Variants in DOCK1 observed in about 807,000 individuals in gnomAD.
The protein encoded by DOCK1 is dedicator of cytokinesis 1, also known as dedicator of cytokinesis protein 1.
Under a neutral mutation model 262.7 loss-of-function variants are expected in DOCK1, and 138 were observed. The ratio of observed to expected loss-of-function variants is 0.53; its 90% CI spans 0.46 to 0.61. The LOEUF (loss-of-function observed/expected upper bound fraction) is 0.61, where lower values mean the gene tolerates loss of function less well. Among genes scored for constraint, DOCK1 ranks in the 20% least tolerant of loss-of-function variants. The pLI, the probability that DOCK1 is intolerant of heterozygous loss-of-function variation, is 0.00. For synonymous variants in DOCK1, 866 were observed against 867.4 expected, an observed-to-expected ratio of 1.00 and a Z score of 0.03; for missense variants, 1,908 against 2,370.7, an observed-to-expected ratio of 0.80 and a Z score of 4.05.
At chr10:126,913,677 A>G (rs2032136617) in intron 1 of DOCK1, among the ~76,000 whole-genome samples, 1 of 152,224 alleles carries the variant, frequency 6.6e-6, no homozygotes, top group Admixed American at 6.5e-5. Context: ...GAAACTGAGT[A>G]TCCACGCAGG....
At chr10:127,093,240 TTC>T (rs1491005380) in intron 23 of DOCK1, among the ~76,000 whole-genome samples, 29 of 79,690 alleles carry the variant, frequency 3.6e-4, no homozygotes, top group Non-Finnish European at 5.7e-4. Context: ...TCTTTCTTTC[TTC>T]TTTTTTTTTT....
chr10:127,147,337 G>A (rs1357577136), intron 27 of DOCK1, among the ~76,000 whole-genome samples: 4 of 152,070 alleles, frequency 2.6e-5, no homozygotes, highest in African/African-American at 4.8e-5. Context: ...TCCTAACGCC[G>A]TAGCCTGGAG....
intron 3 of DOCK1, among the ~76,000 whole-genome samples, chr10:126,980,204 T>G (rs764757886): frequency 6.6e-6 from 1 of 152,020 alleles, no homozygotes; most frequent in Non-Finnish European, 1.5e-5. Context: ...AATGTTTTAT[T>G]TTTTTGGAGA....
chr10:127,402,374 A>C (rs2067271944), intron 38 of DOCK1, among the ~76,000 whole-genome samples: 1 of 152,226 alleles, frequency 6.6e-6, no homozygotes, highest in African/African-American at 2.4e-5. Flanking sequence ...AAGAAAAATA[A>C]GGGAAATTCA....
chr10:127,322,295 T>C lies in DOCK1; in HGVS notation c.3045-16711T>C, dbSNP rs564213229. On this transcript the variant is annotated intron_variant, in intron 29 of 51. Transcript: ENST00000623213. The stretch of plus-strand genomic sequence containing the variant: ...ACCTCTGTTTCCAGGGTTCAAGTGA[T>C]CCTCCCGCCTTAGCCTCCTAAGTAG... 3.0e-4 allele frequency among the ~76,000 whole-genome samples: 45 copies of C among 151,374 alleles called. 1 individual carries two copies. Among genetic ancestry groups the C allele is most frequent in the African/African-American group, 9.5e-4 (39 of 41,268 alleles).
intron 29 of DOCK1, among the ~76,000 whole-genome samples, chr10:127,283,704 A>G (rs1444429058): frequency 6.6e-6 from 1 of 152,120 alleles, no homozygotes; most frequent in African/African-American, 2.4e-5. Flanking sequence ...TTACTCCAGC[A>G]TTTTCATTGC....
chr10:127,400,690 A>T (rs1043568335), intron 38 of DOCK1, among the ~76,000 whole-genome samples: 13 of 149,972 alleles, frequency 8.7e-5, no homozygotes, highest in African/African-American at 2.7e-4. Context: ...GACATAGAGT[A>T]AGCTGGGAAA....
chr10:126,919,737 T>C (rs1297669311), intron 1 of DOCK1, among the ~76,000 whole-genome samples: 1 of 152,156 alleles, frequency 6.6e-6, no homozygotes, highest in Non-Finnish European at 1.5e-5. Context: ...ATGCTTCCCC[T>C]CCAGTCCCCC....
At chr10:127,353,451 G>A (rs1283734940) in intron 31 of DOCK1, among the ~76,000 whole-genome samples, 1 of 152,178 alleles carries the variant, frequency 6.6e-6, no homozygotes, top group African/African-American at 2.4e-5. Flanking sequence ...ACCCACCCAA[G>A]TCCAGTAGCT....
intron 31 of DOCK1, among the ~76,000 whole-genome samples, chr10:127,347,978 A>G (rs2063723949): frequency 1.4e-5 from 2 of 147,836 alleles, no homozygotes; most frequent in African/African-American, 5.1e-5. Context: ...TTCCAGCATC[A>G]GGAAACCTGC....
chr10:127,444,157 G>T lies in DOCK1; in HGVS notation c.5291G>T (p.Ser1764Ile). The T allele has an allele frequency of 1.3e-6, 2 of 1,584,724 alleles. No homozygotes were observed. The highest frequency in any genetic ancestry group is 1.7e-6 in the Non-Finnish European group (2 of 1,166,150). The change falls in exon 50 of 52, where the codon AGC (serine) becomes ATC (isoleucine). Residue 1764 changes from serine to isoleucine, a missense_variant. Coordinates refer to ENST00000623213, the MANE Select transcript of DOCK1 (RefSeq NM_001290223.2). Reference protein sequence around the residue: ...ISPLRPQRPKSQVMNVIGSER... With the variant: ...ISPLRPQRPKIQVMNVIGSER... ...CCCCTGCGGCCCCAGAGACCGAAGA[G>T]CCAGGTGATGAACGTCATTGGAAGC... is the stretch of plus-strand genomic sequence containing the variant.
intron 51 of DOCK1, among the ~76,000 whole-genome samples, chr10:127,448,071 G>A (rs1310352891): frequency 1.3e-5 from 2 of 152,166 alleles, no homozygotes; most frequent in African/African-American, 2.4e-5. Context: ...CTCACCTTAC[G>A]GAGACTGCAG....
chr10:127,354,219 A>G (rs1211562095), intron 31 of DOCK1, among the ~76,000 whole-genome samples: 1 of 152,210 alleles, frequency 6.6e-6, no homozygotes, highest in Non-Finnish European at 1.5e-5. Context: ...ATTTAAAATG[A>G]CATAGAGGAA....
chr10:127,225,112 G>A (rs950152679), intron 27 of DOCK1, among the ~76,000 whole-genome samples: 1 of 152,170 alleles, frequency 6.6e-6, no homozygotes, highest in Non-Finnish European at 1.5e-5. Context: ...AACTAGAGAG[G>A]TTTGGAGGTC....
intron 27 of DOCK1, among the ~76,000 whole-genome samples, chr10:127,245,903 G>A (rs1306438006): frequency 6.6e-6 from 1 of 152,142 alleles, no homozygotes; most frequent in Non-Finnish European, 1.5e-5. Flanking sequence ...TGTGTAACTG[G>A]TTTGACCTGC....
chr10:127,031,297 C>G (rs909408750), intron 16 of DOCK1, among the ~76,000 whole-genome samples: 1 of 152,178 alleles, frequency 6.6e-6, no homozygotes, highest in Admixed American at 6.5e-5. Context: ...CAGTTACTCT[C>G]GCTTTCTAGT....
chr10:127,351,501 G>C (rs1171954924), intron 31 of DOCK1, among the ~76,000 whole-genome samples: 1 of 152,220 alleles, frequency 6.6e-6, no homozygotes, highest in African/African-American at 2.4e-5. Context: ...GGTGCGTGCT[G>C]TGGGTGTGGG....
intron 23 of DOCK1, among the ~76,000 whole-genome samples, chr10:127,077,578 C>T (rs182692671): frequency 1.1e-4 from 17 of 152,070 alleles, no homozygotes; most frequent in East Asian, 5.8e-4. Context: ...TGGGATTACT[C>T]GACTTTATAG....
intron 43 of DOCK1, among the ~76,000 whole-genome samples, 186 bp downstream of exon 43, chr10:127,411,110 C>T (rs1416732356): frequency 1.3e-5 from 2 of 152,190 alleles, no homozygotes; most frequent in Non-Finnish European, 2.9e-5. Flanking sequence ...TGCCATTTCA[C>T]TAACAATATG....
Sources: allele counts gnomAD v4.1 joint callset (sites outside exome capture counted in the v4.1 genomes callset), GRCh38; gene constraint gnomAD v4.1.1; transcripts MANE v1.5; gene names NCBI Gene and HGNC (gene_info 2026-07-23, HGNC 2026-07-21).